Variants in STK4 observed in about 807,000 individuals in gnomAD.
The protein encoded by STK4 is serine/threonine-protein kinase 4.
Under a neutral mutation model 64.9 loss-of-function variants are expected in STK4, and 30 were observed. That is an observed-to-expected ratio of 0.46 (90% CI 0.35 to 0.63). The LOEUF is 0.63. Ranked by LOEUF, STK4 falls within the 20% of genes least tolerant of loss-of-function variation. The pLI is 0.01. For synonymous variants in STK4, 177 were observed against 199.0 expected (o/e 0.89, Z 0.93); for missense variants, 466 against 598.5 (o/e 0.78, Z 2.31).
chr20:45,006,390 G>A (rs893767067), intron 9 of STK4, among the ~76,000 whole-genome samples: 1 of 151,666 alleles, frequency 6.6e-6, no homozygotes, highest in Non-Finnish European at 1.5e-5. Context: ...GCATACGACT[G>A]CTCCGGGCTT....
intron 10 of STK4, among the ~76,000 whole-genome samples, chr20:45,043,917 C>T (rs1364617399): frequency 6.6e-6 from 1 of 152,080 alleles, no homozygotes; most frequent in Non-Finnish European, 1.5e-5. Context: ...TAAACTTTTC[C>T]CCCAGTGATT....
At chr20:44,990,085 C>T (rs577268202) in intron 5 of STK4, among the ~76,000 whole-genome samples, 6 of 152,098 alleles carry the variant, frequency 3.9e-5, no homozygotes, top group Non-Finnish European at 7.4e-5. Context: ...CAGAAAAGGC[C>T]GTTGGGATTT....
intron 10 of STK4, among the ~76,000 whole-genome samples, chr20:45,072,680 AC>A (rs1426141223): frequency 3.3e-5 from 5 of 152,246 alleles, no homozygotes; most frequent in Non-Finnish European, 5.9e-5. Flanking sequence ...ACATAAGTTA[AC>A]AGGTATTATG....
intron 9 of STK4, among the ~76,000 whole-genome samples, chr20:45,015,710 C>G (rs1348914458): frequency 6.6e-6 from 1 of 152,234 alleles, no homozygotes; most frequent in African/African-American, 2.4e-5. Flanking sequence ...CAGGGTCTTA[C>G]AGACTACGTC....
intron 4 of STK4, among the ~76,000 whole-genome samples, chr20:44,986,820 A>G (rs1478121936): frequency 1.3e-5 from 2 of 152,158 alleles, no homozygotes; most frequent in Non-Finnish European, 2.9e-5. Flanking sequence ...CTGTGGGAGA[A>G]GTGGAGTAGG....
intron 10 of STK4, among the ~76,000 whole-genome samples, chr20:45,046,685 A>G (rs1301087660): frequency 7.1e-6 from 1 of 141,274 alleles, no homozygotes; most frequent in Non-Finnish European, 1.5e-5. Context: ...AAATTTATTT[A>G]TTTATTTTTT....
At chr20:45,061,975 G>A (rs1398924981) in intron 10 of STK4, among the ~76,000 whole-genome samples, 1 of 149,276 alleles carries the variant, frequency 6.7e-6, no homozygotes, top group Non-Finnish European at 1.5e-5. Context: ...CGTCTCTTGA[G>A]TTCAAGCAAT....
At chr20:45,001,494 C>T (rs1184117881) in intron 9 of STK4, 141 bp downstream of exon 9, 25 of 1,036,090 alleles carry the variant, frequency 2.4e-5, no homozygotes, top group South Asian at 1.7e-4. Flanking sequence ...TGGAAGTTTG[C>T]GATGGGGACA....
intron 10 of STK4, among the ~76,000 whole-genome samples, chr20:45,030,869 G>C (rs903499218): frequency 1.3e-5 from 2 of 152,110 alleles, no homozygotes; most frequent in African/African-American, 4.8e-5. Flanking sequence ...TTTGGCTCAT[G>C]AATCTTCCAA....
chr20:45,037,787 A>T (rs1008103765), intron 10 of STK4, among the ~76,000 whole-genome samples: 1 of 152,172 alleles, frequency 6.6e-6, no homozygotes, highest in Non-Finnish European at 1.5e-5. Flanking sequence ...GAATTGTCAG[A>T]ACATAGTCAG....
At chr20:44,982,882 A>G (rs2067466577) in intron 4 of STK4, among the ~76,000 whole-genome samples, 1 of 152,202 alleles carries the variant, frequency 6.6e-6, no homozygotes, top group Admixed American at 6.5e-5. Flanking sequence ...GAAAAGATAT[A>G]ATAATGATAT....
At chr20:45,041,277 A>G (rs2068608910) in intron 10 of STK4, among the ~76,000 whole-genome samples, 1 of 151,654 alleles carries the variant, frequency 6.6e-6, no homozygotes, top group South Asian at 2.1e-4. Flanking sequence ...CCTTTTTTTA[A>G]TGTTTGGGAG....
At chr20:45,010,366 C>T (rs1347552300) in intron 9 of STK4, among the ~76,000 whole-genome samples, 1 of 151,962 alleles carries the variant, frequency 6.6e-6, no homozygotes, top group African/African-American at 2.4e-5. Context: ...CGCCCGGCCT[C>T]CCAATTATTT....
intron 9 of STK4, 148 bp downstream of exon 9, chr20:45,001,501 G>A: frequency 1.1e-6 from 1 of 950,078 alleles, no homozygotes. Context: ...TTGCGATGGG[G>A]ACAGGAGGTT....
chr20:45,005,926 T>C (rs2067935031), intron 9 of STK4, among the ~76,000 whole-genome samples: 1 of 151,894 alleles, frequency 6.6e-6, no homozygotes, highest in Admixed American at 6.5e-5. Context: ...ATTTTCTCTT[T>C]GTACTTTGAA....
intron 10 of STK4, among the ~76,000 whole-genome samples, chr20:45,047,391 C>T (rs16989618): frequency 2.0e-5 from 3 of 152,094 alleles, no homozygotes; most frequent in Admixed American, 6.5e-5. Context: ...ATATATGTGC[C>T]GATGGTAAAC....
chr20:45,077,282 A>T lies in STK4; in HGVS notation c.*2106A>T, dbSNP rs968261218. ...GAACTGGCATTTTTAGGTTGGAAAG[A>T]CAGCTGAATTAGTAGTTAAGTCTGA... On this transcript the variant is annotated 3_prime_UTR_variant, in exon 11 of 11. Coordinates refer to ENST00000372806, the MANE Select transcript of STK4 (RefSeq NM_006282.5). 6.6e-6 allele frequency: 1 copy of T among 152,230 alleles called. No homozygotes were observed. 9.4% of individuals were successfully genotyped at this position (152,230 alleles called of 1,614,324 possible).
At chr20:45,037,710 C>T (rs2068549583) in intron 10 of STK4, among the ~76,000 whole-genome samples, 2 of 152,186 alleles carry the variant, frequency 1.3e-5, no homozygotes, top group East Asian at 1.9e-4. Context: ...CCATTCTCTC[C>T]TAGATCAGGG....
intron 9 of STK4, among the ~76,000 whole-genome samples, chr20:45,005,656 A>AC (rs2067927801): frequency 6.6e-6 from 1 of 151,576 alleles, no homozygotes; most frequent in African/African-American, 2.4e-5. Context: ...TCAAAAAAAA[A>AC]AAAAAAAAAA....
Sources: gnomAD v4.1 joint callset for allele counts (sites outside exome capture counted in the v4.1 genomes callset) on GRCh38, gnomAD v4.1.1 for gene constraint, MANE v1.5 for transcripts, NCBI Gene and HGNC (gene_info 2026-07-23, HGNC 2026-07-21) for gene names.